ABHD17B: variants seen among roughly 807,000 people sequenced by gnomAD.
ABHD17B encodes alpha/beta hydrolase domain-containing protein 17B.
In ABHD17B, 9 loss-of-function variants were observed where a neutral mutation model predicts 26.2. The ratio of observed to expected loss-of-function variants is 0.34; its 90% CI spans 0.21 to 0.60. The LOEUF is 0.60. Ranked by LOEUF, ABHD17B falls within the 20% of genes least tolerant of loss-of-function variation. The probability of loss-of-function intolerance (pLI) is 0.80; values close to 1 mark genes in which losing one functional copy is unlikely to be tolerated. For synonymous variants in ABHD17B, 127 were observed against 122.3 expected, an observed-to-expected ratio of 1.04 and a Z score of -0.25; for missense variants, 224 against 352.1, an observed-to-expected ratio of 0.64 and a Z score of 2.91.
chr9:71,867,641 G>T (rs1825994501), intron 3 of ABHD17B, among the ~76,000 whole-genome samples: 2 of 152,094 alleles, frequency 1.3e-5, no homozygotes, highest in Admixed American at 6.6e-5. Context: ...GATGAAGGGG[G>T]TGATTGAAAT....
At chr9:71,863,628 T>TC (rs1825881193), downstream of ABHD17B, among the ~76,000 whole-genome samples, 1 of 152,214 alleles carries the variant, frequency 6.6e-6, no homozygotes, top group African/African-American at 2.4e-5. Flanking sequence ...CAGCTTCTGC[T>TC]CTGTCTCTAG....
Position 71,866,716 on chromosome 9 carries a change from G to A in ABHD17B, c.*71C>T. ...CATGATTTGCAAACAAAACCTTCAG[G>A]TTTTATGTTATTTACCAAAGAGTGC... On this transcript the variant is annotated 3_prime_UTR_variant, in exon 4 of 4. Coordinates refer to ENST00000333421, the MANE Select transcript of ABHD17B (RefSeq NM_001025780.3). The A allele has an allele frequency of 1.3e-6, 2 of 1,575,550 alleles. No homozygotes were observed. The highest frequency in any genetic ancestry group is 1.7e-6 in the Non-Finnish European group (2 of 1,160,896).
chr9:71,893,118 TA>T (rs1826842864), intron 1 of ABHD17B, among the ~76,000 whole-genome samples: 1 of 152,208 alleles, frequency 6.6e-6, no homozygotes, highest in Non-Finnish European at 1.5e-5. Flanking sequence ...CCATTGTACC[TA>T]AAACAAACTA....
chr9:71,904,660 T>G (rs1827232964), intron 1 of ABHD17B, among the ~76,000 whole-genome samples: 1 of 152,118 alleles, frequency 6.6e-6, no homozygotes, highest in Non-Finnish European at 1.5e-5. Context: ...TGGGTAAATG[T>G]GAGACACAGA....
chr9:71,864,145 G>C (rs1293722002), downstream of ABHD17B, among the ~76,000 whole-genome samples: 1 of 149,918 alleles, frequency 6.7e-6, no homozygotes, highest in African/African-American at 2.4e-5. Context: ...CTAGGATAAA[G>C]ACTAGGGTTC....
Position 71,880,700 on chromosome 9 carries a change from G to A in ABHD17B, c.-3-5617C>T, listed in dbSNP as rs115745852. Among the ~76,000 whole-genome samples the A allele has an allele frequency of 8.4e-3, 1,269 of 151,904 alleles. 16 individuals are homozygous for A. Among genetic ancestry groups the A allele is most frequent in the African/African-American group, 0.028 (1,172 of 41,484 alleles). ...AGTTAAAAAAATTATAAATAAGATCGCACCCACAACCAAAACGACTATCTA... is the reference window on the plus strand; with the variant it reads ...AGTTAAAAAAATTATAAATAAGATCACACCCACAACCAAAACGACTATCTA... On this transcript the variant is annotated intron_variant, in intron 1 of 3. Coordinates refer to ENST00000333421, the MANE Select transcript of ABHD17B (RefSeq NM_001025780.3).
chr9:71,885,696 T>C (rs1826587119), intron 1 of ABHD17B, among the ~76,000 whole-genome samples: 2 of 152,068 alleles, frequency 1.3e-5, no homozygotes, highest in African/African-American at 2.4e-5. Context: ...GGAAGACTAA[T>C]GTAAAAAAAA....
At position 71,885,328 on chromosome 9, in the gene ABHD17B, C is replaced by T. The variant is rs2310051; in HGVS notation, c.-3-10245G>A. 9.5e-4 allele frequency among the ~76,000 whole-genome samples: 145 copies of T among 151,842 alleles called. 1 individual carries two copies. The highest frequency in any genetic ancestry group is 2.7e-3 in the African/African-American group (111 of 41,402). On this transcript the variant is annotated intron_variant, in intron 1 of 3. Coordinates refer to ENST00000333421, the MANE Select transcript of ABHD17B (RefSeq NM_001025780.3). ...TATAAAAATTAGCCAGGCGTGGAGG[C>T]GTACACCTGTCATCCCAGCTACTCA...
At chr9:71,877,994 G>C (rs1196661277) in intron 1 of ABHD17B, among the ~76,000 whole-genome samples, 1 of 152,168 alleles carries the variant, frequency 6.6e-6, no homozygotes, top group Non-Finnish European at 1.5e-5. Context: ...GCCTGGTATA[G>C]GGCAGCAACA....
At chr9:71,869,374 C>G (rs1446005723) in intron 3 of ABHD17B, among the ~76,000 whole-genome samples, 2 of 152,152 alleles carry the variant, frequency 1.3e-5, no homozygotes, top group Non-Finnish European at 2.9e-5. Flanking sequence ...GTATTGCTGC[C>G]AATTGGAGAA....
chr9:71,894,886 T>C (rs1185275619), intron 1 of ABHD17B, among the ~76,000 whole-genome samples: 2 of 152,162 alleles, frequency 1.3e-5, no homozygotes, highest in Non-Finnish European at 2.9e-5. Flanking sequence ...TCATAAATCA[T>C]TTACTAACTA....
downstream of ABHD17B, among the ~76,000 whole-genome samples, chr9:71,864,725 C>G (rs1825908094): frequency 6.6e-6 from 1 of 152,138 alleles, no homozygotes; most frequent in Non-Finnish European, 1.5e-5. Flanking sequence ...TTACCTGTTA[C>G]AATACCTTAC....
downstream of ABHD17B, among the ~76,000 whole-genome samples, chr9:71,864,509 G>A (rs569150003): frequency 5.9e-5 from 9 of 152,032 alleles, no homozygotes; most frequent in South Asian, 6.2e-4. Flanking sequence ...ATGAGCCACC[G>A]CCCCTGGCCC....
intron 1 of ABHD17B, among the ~76,000 whole-genome samples, chr9:71,883,983 T>C (rs188637029): frequency 5.3e-5 from 8 of 151,706 alleles, no homozygotes; most frequent in Admixed American, 2.0e-4. Flanking sequence ...TTTGGATGAA[T>C]TCATCATCCC....
At chr9:71,893,505 C>T (rs938006982) in intron 1 of ABHD17B, among the ~76,000 whole-genome samples, 2 of 152,168 alleles carry the variant, frequency 1.3e-5, no homozygotes, top group Non-Finnish European at 2.9e-5. Flanking sequence ...AAGAGATGCA[C>T]AGGGCAAGGC....
Position 71,874,605 on chromosome 9 carries a change from A to C in ABHD17B, c.467+9T>G. On this transcript the variant is annotated intron_variant, in intron 2 of 3. Transcript: ENST00000333421. The stretch of plus-strand genomic sequence containing the variant: ...CGAGTATGAAAAATAAATTCCAACC[A>C]CAATTTACCTTGTCCTAAGAGCAAG... 6.5e-7 allele frequency: 1 copy of C among 1,536,228 alleles called. No homozygotes were observed.
chr9:71,897,612 C>T (rs896395645), intron 1 of ABHD17B, among the ~76,000 whole-genome samples: 4 of 152,214 alleles, frequency 2.6e-5, no homozygotes, highest in Non-Finnish European at 5.9e-5. Flanking sequence ...AATCCCTTTT[C>T]CATATACTAT....
At position 71,877,441 on chromosome 9, in the gene ABHD17B, G is replaced by A. The variant is rs541394197; in HGVS notation, c.-3-2358C>T. Among the ~76,000 whole-genome samples, 482 of 152,276 alleles carry A rather than the reference G, an allele frequency of 3.2e-3. 1 individual carries two copies. The highest frequency in any genetic ancestry group is 3.7e-3 in the African/African-American group (155 of 41,556). ...CACTTTTGTTGTTGTTTTTCGAGAC[G>A]AAGTCTCACTCTATCGCCCAGGCTG... On this transcript the variant is annotated intron_variant, in intron 1 of 3. Transcript: ENST00000333421.
chr9:71,884,106 T>G (rs888510543), intron 1 of ABHD17B, among the ~76,000 whole-genome samples: 1 of 151,860 alleles, frequency 6.6e-6, no homozygotes, highest in Non-Finnish European at 1.5e-5. Flanking sequence ...GGCTAACAAG[T>G]ATATGAAAAA....
Sources: gnomAD v4.1 joint callset for allele counts (sites outside exome capture counted in the v4.1 genomes callset) on GRCh38, gnomAD v4.1.1 for gene constraint, MANE v1.5 for transcripts, NCBI Gene and HGNC (gene_info 2026-07-23, HGNC 2026-07-21) for gene names.